Variants in CDK19 observed in about 807,000 individuals in gnomAD.
CDK19 encodes the protein cyclin dependent kinase 19.
A neutral mutation model predicts 68.3 loss-of-function variants in CDK19; 20 were observed. The ratio of observed to expected loss-of-function variants is 0.29; its 90% CI spans 0.21 to 0.43. The LOEUF (loss-of-function observed/expected upper bound fraction) is 0.43. Ranked by LOEUF, CDK19 falls within the 20% of genes least tolerant of loss-of-function variation. The probability of loss-of-function intolerance (pLI) is 1.00; values close to 1 mark genes in which losing one functional copy is unlikely to be tolerated. For missense variants in CDK19, 339 were observed against 623.5 expected (o/e 0.54, Z 4.86); for synonymous variants, 221 against 222.8 (o/e 0.99, Z 0.07).
rs1382953227 is a variant in CDK19 at position 110,621,022 on chromosome 6, T to C, written c.1377+82A>G. ...TGCACAGTCAAATGTAAGAGTTAAGTGTTACTTAACTCTAAAAGGATCTAG... is the reference window on the plus strand; with the variant it reads ...TGCACAGTCAAATGTAAGAGTTAAGCGTTACTTAACTCTAAAAGGATCTAG... On this transcript the variant is annotated intron_variant, in intron 12 of 12. Coordinates refer to ENST00000368911, the MANE Select transcript of CDK19 (RefSeq NM_015076.5). The surrounding 1 kb of genome is among the most constrained non-coding windows in gnomAD (Gnocchi z 5.4). The C allele has an allele frequency of 7.6e-7, 1 of 1,316,234 alleles. No homozygotes were observed. The highest frequency in any genetic ancestry group is 1.5e-5 in the African/African-American group (1 of 68,284). The allele number at this position is 1,316,234 out of a possible 1,614,324, so 81.5% of individuals were successfully genotyped here.
chr6:110,730,545 G>A (rs1402363573), intron 2 of CDK19, among the ~76,000 whole-genome samples: 6 of 152,182 alleles, frequency 3.9e-5, no homozygotes. Context: ...CGATGTAGGG[G>A]AGAAGTAATC....
intron 1 of CDK19, among the ~76,000 whole-genome samples, chr6:110,763,410 T>C (rs561878760): frequency 7.2e-4 from 106 of 147,542 alleles, no homozygotes; most frequent in African/African-American, 2.4e-3. Context: ...ACCACTCTTA[T>C]TATGTTTTTT....
At chr6:110,694,074 G>GAAAAA (rs778030187) in intron 2 of CDK19, among the ~76,000 whole-genome samples, 1 of 102,936 alleles carries the variant, frequency 9.7e-6, no homozygotes, top group Non-Finnish European at 2.1e-5. Context: ...ATAACACAAT[G>GAAAAA]AAAAAAAAAA....
intron 10 of CDK19, among the ~76,000 whole-genome samples, 157 bp from the exon 11 acceptor site, chr6:110,622,323 A>C (rs1316098827): frequency 6.6e-6 from 1 of 152,226 alleles, no homozygotes; most frequent in Non-Finnish European, 1.5e-5. Flanking sequence ...TAGTTGACAT[A>C]TAGGACACAG....
At chr6:110,694,869 C>A (rs992593043) in intron 2 of CDK19, among the ~76,000 whole-genome samples, 2 of 152,176 alleles carry the variant, frequency 1.3e-5, no homozygotes, top group African/African-American at 4.8e-5. Flanking sequence ...GTAATCCCAG[C>A]ACTTTGGGAG....
chr6:110,692,577 G>C lies in CDK19; in HGVS notation c.205-22036C>G, dbSNP rs149168727. ...GGAAAACTTACCTGAGGGAATAATT[G>C]AGGAAAACTTCCTGGCCTTTGGCTA... On this transcript the variant is annotated intron_variant, in intron 2 of 12. Coordinates refer to ENST00000368911, the MANE Select transcript of CDK19 (RefSeq NM_015076.5). Among the ~76,000 whole-genome samples, 31 of 152,302 alleles carry C rather than the reference G, an allele frequency of 2.0e-4. No individual in the cohort carries two copies. In the East Asian group the frequency reaches 6.0e-3, roughly 29 times the overall value.
intron 1 of CDK19, among the ~76,000 whole-genome samples, chr6:110,757,364 C>T: frequency 6.6e-6 from 1 of 152,108 alleles, no homozygotes; most frequent in East Asian, 1.9e-4. Context: ...CTCCCCTCCC[C>T]TTAGAAAAGG....
chr6:110,763,418 T>G (rs1029202478), intron 1 of CDK19, among the ~76,000 whole-genome samples: 3 of 148,250 alleles, frequency 2.0e-5, no homozygotes, highest in East Asian at 3.9e-4. Flanking sequence ...TATTATGTTT[T>G]TTTTTTTTTT....
chr6:110,675,214 C>T (rs1771393309), intron 2 of CDK19, among the ~76,000 whole-genome samples: 1 of 152,186 alleles, frequency 6.6e-6, no homozygotes, highest in African/African-American at 2.4e-5. Flanking sequence ...GAGAAGTCAA[C>T]GCCTGGTTTC....
chr6:110,657,363 A>G (rs1781365463), intron 4 of CDK19, among the ~76,000 whole-genome samples: 1 of 152,222 alleles, frequency 6.6e-6, no homozygotes, highest in South Asian at 2.1e-4. Flanking sequence ...TCTCTTGGTA[A>G]AATGAATCAT....
At chr6:110,658,022 A>G (rs756674373) in intron 4 of CDK19, among the ~76,000 whole-genome samples, 1 of 152,238 alleles carries the variant, frequency 6.6e-6, no homozygotes, top group Non-Finnish European at 1.5e-5. Flanking sequence ...AAGAAAAATC[A>G]TAGCCCATGT....
chr6:110,653,074 A>C (rs1225366216), intron 4 of CDK19, among the ~76,000 whole-genome samples: 2 of 152,228 alleles, frequency 1.3e-5, no homozygotes, highest in East Asian at 3.8e-4. Context: ...CTTTAGAACA[A>C]GTAAATAAAT....
At chr6:110,771,004 C>T (rs1342030101) in intron 1 of CDK19, among the ~76,000 whole-genome samples, 1 of 152,170 alleles carries the variant, frequency 6.6e-6, no homozygotes, top group Non-Finnish European at 1.5e-5. Flanking sequence ...AACCCTGTGG[C>T]TTTGCAGGGT....
At position 110,611,189 on chromosome 6, in the gene CDK19, C is replaced by T. The variant is rs1399395860; in HGVS notation, c.*3346G>A. The T allele has an allele frequency of 6.6e-6, 1 of 152,254 alleles. No homozygotes were observed. Among genetic ancestry groups the T allele is most frequent in the East Asian group, 1.9e-4 (1 of 5,196 alleles). The allele number at this position is 152,254 out of a possible 1,614,324, so 9.4% of individuals were successfully genotyped here. Reference sequence around the variant, plus strand: ...CCTTGAGCTCATCTGTCCTGCAACACTTGAATTCCTTTCACAAACACACAC... The same window carrying T: ...CCTTGAGCTCATCTGTCCTGCAACATTTGAATTCCTTTCACAAACACACAC... On this transcript the variant is annotated 3_prime_UTR_variant, in exon 13 of 13. Coordinates refer to ENST00000368911, the MANE Select transcript of CDK19 (RefSeq NM_015076.5).
intron 2 of CDK19, among the ~76,000 whole-genome samples, chr6:110,742,028 A>G (rs1245338615): frequency 6.6e-6 from 1 of 152,222 alleles, no homozygotes; most frequent in African/African-American, 2.4e-5. Context: ...TAAAGAGAAA[A>G]GAAATCATAA....
chr6:110,758,397 C>T (rs755716351), intron 1 of CDK19, among the ~76,000 whole-genome samples: 6 of 152,060 alleles, frequency 3.9e-5, no homozygotes, highest in Non-Finnish European at 8.8e-5. Context: ...GTAGAGCAAG[C>T]GCTTTGTTCA....
intron 2 of CDK19, among the ~76,000 whole-genome samples, chr6:110,724,838 A>T (rs968777409): frequency 1.3e-5 from 2 of 152,168 alleles, no homozygotes; most frequent in African/African-American, 4.8e-5. Context: ...GTGCAATATC[A>T]GAAGTATTAA....
intron 2 of CDK19, among the ~76,000 whole-genome samples, chr6:110,742,459 G>A (rs1216073168): frequency 6.6e-6 from 1 of 152,134 alleles, no homozygotes; most frequent in Non-Finnish European, 1.5e-5. Context: ...GAATAACAGT[G>A]ATTTTCAGGG....
chr6:110,807,613 C>T (rs1782768918), intron 1 of CDK19, among the ~76,000 whole-genome samples: 1 of 152,022 alleles, frequency 6.6e-6, no homozygotes. Flanking sequence ...GTGTGTACTA[C>T]CACGCCCGGC....
Sources: gnomAD v4.1 joint callset for allele counts (sites outside exome capture counted in the v4.1 genomes callset) on GRCh38, gnomAD v4.1.1 for gene constraint, Gnocchi (gnomAD v3.1) non-coding constraint, MANE v1.5 for transcripts, NCBI Gene and HGNC (gene_info 2026-07-23, HGNC 2026-07-21) for gene names.